CADPS: variants seen among roughly 807,000 people sequenced by gnomAD.
CADPS encodes calcium-dependent secretion activator 1.
Under a neutral mutation model 167.3 loss-of-function variants are expected in CADPS, and 57 were observed. That is an observed-to-expected ratio of 0.34 (90% CI 0.28 to 0.42). The LOEUF (loss-of-function observed/expected upper bound fraction) is 0.42, where lower values mean the gene tolerates loss of function less well. Among genes scored for constraint, CADPS ranks in the 20% least tolerant of loss-of-function variants. The pLI, the probability that CADPS is intolerant of heterozygous loss-of-function variation, is 1.00. For missense variants in CADPS, 1,414 were observed against 1,738.1 expected (o/e 0.81, Z 3.32); for synonymous variants, 676 against 635.3 (o/e 1.06, Z -0.96).
At chr3:62,859,389 G>C (rs1317530828) in intron 1 of CADPS, among the ~76,000 whole-genome samples, 2 of 152,160 alleles carry the variant, frequency 1.3e-5, no homozygotes, top group African/African-American at 4.8e-5. Context: ...TAAGAGCTCA[G>C]CATGGCCTTC....
intron 26 of CADPS, among the ~76,000 whole-genome samples, chr3:62,447,081 C>A (rs2057336558): frequency 6.6e-6 from 1 of 152,030 alleles, no homozygotes; most frequent in Non-Finnish European, 1.5e-5. Context: ...GCCAATGAAC[C>A]AATAGGGTGG....
chr3:62,563,590 C>T (rs2079559778), intron 9 of CADPS, among the ~76,000 whole-genome samples: 1 of 152,188 alleles, frequency 6.6e-6, no homozygotes, highest in South Asian at 2.1e-4. Context: ...TATTCAGTTA[C>T]ATGAGTAAGT....
At chr3:62,796,859 T>C (rs934999165) in intron 1 of CADPS, among the ~76,000 whole-genome samples, 1 of 152,166 alleles carries the variant, frequency 6.6e-6, no homozygotes, top group African/African-American at 2.4e-5. Context: ...GTGACAGAAA[T>C]TCTTTGGGTA....
intron 28 of CADPS, among the ~76,000 whole-genome samples, chr3:62,430,492 G>A (rs189474465): frequency 6.6e-6 from 1 of 152,172 alleles, no homozygotes; most frequent in East Asian, 1.9e-4. Context: ...GAATTCGAGT[G>A]GCCCTGGAGG....
chr3:62,812,620 C>T (rs968023137), intron 1 of CADPS, among the ~76,000 whole-genome samples: 8 of 152,154 alleles, frequency 5.3e-5, no homozygotes, highest in Admixed American at 4.6e-4. Context: ...GCAACATGTG[C>T]TGTCTAGATA....
intron 6 of CADPS, among the ~76,000 whole-genome samples, chr3:62,617,005 A>G (rs1052126489): frequency 1.2e-4 from 19 of 152,172 alleles, no homozygotes; most frequent in African/African-American, 4.6e-4. Flanking sequence ...CATTTTGGGA[A>G]AAGATGTATG....
At chr3:62,525,380 G>T (rs1251509388) in intron 13 of CADPS, among the ~76,000 whole-genome samples, 1 of 152,092 alleles carries the variant, frequency 6.6e-6, no homozygotes, top group African/African-American at 2.4e-5. Flanking sequence ...TTCCTATTAA[G>T]TAAAGCTGGC....
At chr3:62,697,458 G>A (rs181589440) in intron 3 of CADPS, among the ~76,000 whole-genome samples, 3 of 152,142 alleles carry the variant, frequency 2.0e-5, no homozygotes, top group African/African-American at 7.2e-5. Context: ...TTATGGCTGA[G>A]TAGCATTCTA....
chr3:62,450,133 A>G (rs1055108714), intron 26 of CADPS, among the ~76,000 whole-genome samples: 4 of 152,172 alleles, frequency 2.6e-5, no homozygotes, highest in African/African-American at 9.7e-5. Flanking sequence ...TCTTGCTATA[A>G]AAAAGATTCT....
intron 3 of CADPS, among the ~76,000 whole-genome samples, chr3:62,719,311 T>C (rs2075297535): frequency 6.6e-6 from 1 of 152,174 alleles, no homozygotes; most frequent in Admixed American, 6.5e-5. Context: ...GTTCCTTCTG[T>C]CCTAAATGTT....
chr3:62,406,741 G>A (rs1708651686), intron 28 of CADPS, among the ~76,000 whole-genome samples: 1 of 152,160 alleles, frequency 6.6e-6, no homozygotes, highest in Non-Finnish European at 1.5e-5. Context: ...GGAAAATTCT[G>A]TGAAGGTTTT....
intron 1 of CADPS, among the ~76,000 whole-genome samples, chr3:62,820,795 G>GTTTTTTT (rs5849504): frequency 2.2e-5 from 3 of 137,990 alleles, no homozygotes; most frequent in African/African-American, 8.3e-5. Context: ...CTTTTTTTTG[G>GTTTTTTT]TTTTTTTTTT....
chr3:62,850,868 G>A (rs1225322383), intron 1 of CADPS, among the ~76,000 whole-genome samples: 3 of 151,876 alleles, frequency 2.0e-5, no homozygotes, highest in Non-Finnish European at 4.4e-5. Context: ...AATGTTGACA[G>A]TGGGGTGTTA....
chr3:62,867,877 C>A (rs1211609958), intron 1 of CADPS, among the ~76,000 whole-genome samples: 4 of 152,062 alleles, frequency 2.6e-5, no homozygotes, highest in African/African-American at 7.2e-5. Flanking sequence ...ATTCCCATTT[C>A]ATTCATGAGT....
rs1325706586 is a variant in CADPS at position 62,502,618 on chromosome 3, A to C, written c.2600-3350T>G. 3.3e-5 allele frequency among the ~76,000 whole-genome samples: 5 copies of C among 152,220 alleles called. No homozygotes were observed. The South Asian group carries it at 8.3e-4, about 25-fold the overall frequency. On this transcript the variant is annotated intron_variant, in intron 17 of 29. Coordinates refer to ENST00000383710, the MANE Select transcript of CADPS (RefSeq NM_003716.4). ...TGAGTATCTCAAAACCTATAAAATT[A>C]TACTTGAGAGCCCGAGTCTCAGCTT...
intron 6 of CADPS, among the ~76,000 whole-genome samples, chr3:62,614,104 A>G (rs533421201): frequency 2.6e-5 from 4 of 152,292 alleles, no homozygotes; most frequent in African/African-American, 9.6e-5. Context: ...TACCATCATC[A>G]TCAATTCAGC....
intron 6 of CADPS, among the ~76,000 whole-genome samples, chr3:62,621,909 T>TTA (rs1554003691): frequency 7.3e-5 from 11 of 151,104 alleles, no homozygotes; most frequent in Admixed American, 2.6e-4. Flanking sequence ...TTTTTTTTTT[T>TTA]AAATTTAGAG....
chr3:62,730,203 C>T (rs998209481), intron 3 of CADPS, among the ~76,000 whole-genome samples: 4 of 152,126 alleles, frequency 2.6e-5, no homozygotes, highest in African/African-American at 9.7e-5. Flanking sequence ...ACTGACGTCA[C>T]ATTCCTACCC....
chr3:62,797,074 C>A (rs778562874), intron 1 of CADPS, among the ~76,000 whole-genome samples: 2 of 152,164 alleles, frequency 1.3e-5, no homozygotes, highest in African/African-American at 4.8e-5. Flanking sequence ...TTGAGACAGT[C>A]TGGAGAAATT....
Sources: gnomAD v4.1 joint callset for allele counts (sites outside exome capture counted in the v4.1 genomes callset) on GRCh38, gnomAD v4.1.1 for gene constraint, MANE v1.5 for transcripts, NCBI Gene and HGNC (gene_info 2026-07-23, HGNC 2026-07-21) for gene names.